Variants in STK10 observed in about 807,000 individuals in gnomAD.
STK10 encodes the protein serine/threonine kinase 10.
A neutral mutation model predicts 113.8 loss-of-function variants in STK10; 78 were observed. The ratio of observed to expected loss-of-function variants is 0.69; its 90% CI spans 0.57 to 0.83. The LOEUF is 0.83. Ranked by LOEUF, STK10 falls within the 40% of genes least tolerant of loss-of-function variation. STK10 has a pLI of 0.00. For missense variants in STK10, 1,109 were observed against 1,280.1 expected (o/e 0.87, Z 2.04); for synonymous variants, 465 against 494.7 (o/e 0.94, Z 0.80).
At chr5:172,174,573 T>C (rs1364714984) in intron 1 of STK10, among the ~76,000 whole-genome samples, 1 of 152,112 alleles carries the variant, frequency 6.6e-6, no homozygotes, top group Non-Finnish European at 1.5e-5. Flanking sequence ...ACTTCACATC[T>C]GCTGGAGGGG....
At chr5:172,102,606 G>A (rs1769015120) in intron 7 of STK10, among the ~76,000 whole-genome samples, 3 of 152,248 alleles carry the variant, frequency 2.0e-5, no homozygotes, top group Admixed American at 6.5e-5. Flanking sequence ...AGGGTGTGTG[G>A]AGGCCTGGAG....
chr5:172,074,835 A>G (rs1419289086), intron 12 of STK10, among the ~76,000 whole-genome samples: 2 of 152,200 alleles, frequency 1.3e-5, no homozygotes, highest in African/African-American at 4.8e-5. Context: ...CCTGGCCAAC[A>G]TGGTGAAACC....
intron 3 of STK10, among the ~76,000 whole-genome samples, chr5:172,119,780 C>A (rs1024580813): frequency 6.8e-6 from 1 of 147,258 alleles, no homozygotes; most frequent in African/African-American, 2.6e-5. Flanking sequence ...AGGAGAATGG[C>A]GTGAACCCGG....
chr5:172,057,003 A>AAGAAAGAAAG (rs56833733), intron 15 of STK10: 2 of 68,250 alleles, frequency 2.9e-5, no homozygotes, highest in African/African-American at 1.2e-4. Flanking sequence ...AAGAGAAAGA[A>AAGAAAGAAAG]GGAAAGAAAG....
chr5:172,185,308 C>T (rs190623130), intron 1 of STK10, among the ~76,000 whole-genome samples: 2 of 152,052 alleles, frequency 1.3e-5, no homozygotes, highest in African/African-American at 2.4e-5. Flanking sequence ...CTCGCTCTGT[C>T]GCCAGGCTGG....
At chr5:172,157,648 T>C (rs1770379552) in intron 1 of STK10, among the ~76,000 whole-genome samples, 1 of 152,152 alleles carries the variant, frequency 6.6e-6, no homozygotes, top group Non-Finnish European at 1.5e-5. Flanking sequence ...TGAAGTGCAG[T>C]GGTGTGATCA....
chr5:172,117,653 G>T, intron 3 of STK10, 23 bp from the exon 4 acceptor site: 1 of 1,613,546 alleles, frequency 6.2e-7, no homozygotes, highest in South Asian at 1.1e-5. Context: ...GAGAACGGCT[G>T]TCAATTCAGT....
intron 1 of STK10, among the ~76,000 whole-genome samples, chr5:172,186,407 T>C (rs956546477): frequency 6.6e-6 from 1 of 152,178 alleles, no homozygotes; most frequent in Admixed American, 6.5e-5. Flanking sequence ...GCTGATTTCA[T>C]GAGCTCAGGA....
chr5:172,100,224 A>C (rs1768956948), intron 7 of STK10, among the ~76,000 whole-genome samples: 1 of 152,206 alleles, frequency 6.6e-6, no homozygotes, highest in Non-Finnish European at 1.5e-5. Context: ...CCTAGCCTGC[A>C]CCAGGTAGGC....
At chr5:172,056,036 A>T (rs1157266668) in intron 15 of STK10, among the ~76,000 whole-genome samples, 1 of 152,226 alleles carries the variant, frequency 6.6e-6, no homozygotes, top group Non-Finnish European at 1.5e-5. Flanking sequence ...TGCCATCATT[A>T]GCTAATATCT....
rs906002776 is a variant in STK10, at chr5:172,061,285, G to A, written c.2083-17C>T. 2.1e-5 allele frequency: 33 copies of A among 1,602,870 alleles called. No individual in the cohort carries two copies. The highest frequency in any genetic ancestry group is 2.7e-5 in the Non-Finnish European group (32 of 1,177,104). On this transcript the variant is annotated splice_polypyrimidine_tract_variant and intron_variant, in intron 13 of 18. Coordinates refer to ENST00000176763, the MANE Select transcript of STK10 (RefSeq NM_005990.4). ...GTCCCGGTCCTGTGGGGAGAGAGGAGGACAGGCCTTTATCCAGAGCCGGCT... is the reference window on the plus strand; with the variant it reads ...GTCCCGGTCCTGTGGGGAGAGAGGAAGACAGGCCTTTATCCAGAGCCGGCT...
intron 3 of STK10, among the ~76,000 whole-genome samples, chr5:172,125,084 G>T (rs1366020127): frequency 6.6e-6 from 1 of 152,180 alleles, no homozygotes; most frequent in Non-Finnish European, 1.5e-5. Context: ...TAAGCATTGT[G>T]CATGTATGGA....
chr5:172,075,629 G>A (rs762673551), intron 12 of STK10, among the ~76,000 whole-genome samples: 19 of 152,146 alleles, frequency 1.2e-4, no homozygotes, highest in African/African-American at 1.9e-4. Flanking sequence ...GCAGTGAGCC[G>A]AGATCGTGCC....
intron 2 of STK10, among the ~76,000 whole-genome samples, chr5:172,151,374 T>C (rs1770229863): frequency 6.6e-6 from 1 of 151,740 alleles, no homozygotes; most frequent in Non-Finnish European, 1.5e-5. Context: ...AGTCAGAGTC[T>C]CACTCTTGTC....
chr5:172,147,167 G>A (rs1770103650), intron 2 of STK10, among the ~76,000 whole-genome samples: 1 of 152,220 alleles, frequency 6.6e-6, no homozygotes, highest in East Asian at 1.9e-4. Context: ...TGTGTATGGT[G>A]AGGCTGGGGG....
At chr5:172,130,651 C>G (rs1037192347) in intron 2 of STK10, among the ~76,000 whole-genome samples, 1 of 152,248 alleles carries the variant, frequency 6.6e-6, no homozygotes, top group East Asian at 1.9e-4. Flanking sequence ...AACCTGGGGT[C>G]GAGTCCTGGT....
intron 8 of STK10, 32 bp downstream of exon 8, chr5:172,096,394 C>A (rs774258059): frequency 6.2e-7 from 1 of 1,605,502 alleles, no homozygotes; most frequent in Admixed American, 1.7e-5. Context: ...GTCCTCCCAG[C>A]CCCCGCTAAG....
intron 10 of STK10, 126 bp from the exon 11 acceptor site, chr5:172,083,210 TGA>T: frequency 8.5e-7 from 1 of 1,179,350 alleles, no homozygotes; most frequent in South Asian, 1.4e-5. Flanking sequence ...GGCACAGGCA[TGA>T]CTAGAACTCA....
rs1767455660 is a variant in STK10, at chr5:172,044,522, A to G, written c.*360T>C. The G allele has an allele frequency of 1.0e-5, 3 of 299,242 alleles. No homozygotes were observed. In the South Asian group the frequency reaches 1.1e-4, roughly 11 times the overall value. 18.5% of individuals were successfully genotyped at this position (299,242 alleles called of 1,614,324 possible). A position where few individuals can be genotyped will look rare whatever the true frequency, so the allele number is the denominator to read the frequency against. Reference sequence around the variant, plus strand: ...ATCAGCAGTGCTTTGTCCCACAGAGAGCAAAACTGGTATTTTCGCAAACAG... The same window carrying G: ...ATCAGCAGTGCTTTGTCCCACAGAGGGCAAAACTGGTATTTTCGCAAACAG... On this transcript the variant is annotated 3_prime_UTR_variant, in exon 19 of 19. Coordinates refer to ENST00000176763, the MANE Select transcript of STK10 (RefSeq NM_005990.4). The surrounding 1 kb of genome is among the most constrained non-coding windows in gnomAD (Gnocchi z 4.5).
Sources: allele counts gnomAD v4.1 joint callset (sites outside exome capture counted in the v4.1 genomes callset), GRCh38; gene constraint gnomAD v4.1.1; non-coding constraint Gnocchi (gnomAD v3.1); transcripts MANE v1.5; gene names NCBI Gene and HGNC (gene_info 2026-07-23, HGNC 2026-07-21).